MUC13: variants seen among roughly 807,000 people sequenced by gnomAD.
The protein encoded by MUC13 is mucin 13, cell surface associated, also known as mucin-13.
A neutral mutation model predicts 48.3 loss-of-function variants in MUC13; 32 were observed. The observed-to-expected ratio is 0.66, with a 90% CI of 0.50 to 0.89. MUC13 has a LOEUF of 0.89. Ranked by LOEUF, MUC13 falls within the 40% of genes least tolerant of loss-of-function variation. The pLI is 0.00. For synonymous variants in MUC13, 199 were observed against 224.9 expected (o/e 0.88, Z 1.03); for missense variants, 571 against 622.8 (o/e 0.92, Z 0.88).
In MUC13 at chr3:124,911,846, G is replaced by T. The variant is rs143013953; in HGVS notation, c.1252+258C>A. Among the ~76,000 whole-genome samples, 15 of 152,216 alleles carry T rather than the reference G, an allele frequency of 9.9e-5. No individual in the cohort carries two copies. The East Asian group carries it at 2.9e-3, about 29-fold the overall frequency. Reference sequence around the variant, plus strand: ...CATAATGCTAAGATGCCCTTCTCTGGTCTCAAGCAAGTCCAGAGGTGCCAG... The same window carrying T: ...CATAATGCTAAGATGCCCTTCTCTGTTCTCAAGCAAGTCCAGAGGTGCCAG... On this transcript the variant is annotated intron_variant, in intron 9 of 11. Transcript: ENST00000616727.
rs186679327 is a variant in MUC13 at position 124,920,404 on chromosome 3, C to A, written c.745-115G>T. 1.4e-4 allele frequency: 116 copies of A among 815,600 alleles called. No homozygotes were observed. The African/African-American group carries it at 1.9e-3, about 13-fold the overall frequency. The allele number at this position is 815,600 out of a possible 1,614,324, so 50.5% of individuals were successfully genotyped here. On this transcript the variant is annotated intron_variant, in intron 4 of 11. Transcript: ENST00000616727. ...CTATCTAGCTTTTAACAGGATCCAA[C>A]TGGGTAGAAAATGGACCCTGGGAGA... is the stretch of plus-strand genomic sequence containing the variant.
chr3:124,909,172 A>C (rs1935374877), intron 10 of MUC13, among the ~76,000 whole-genome samples: 1 of 152,066 alleles, frequency 6.6e-6, no homozygotes, highest in Admixed American at 6.6e-5. Context: ...AAAGAGAAAA[A>C]ACAAGAACAA....
At chr3:124,928,396 A>G (rs1406423088) in intron 1 of MUC13, among the ~76,000 whole-genome samples, 1 of 152,288 alleles carries the variant, frequency 6.6e-6, no homozygotes, top group Non-Finnish European at 1.5e-5. Context: ...TATTTATTTT[A>G]GGAATAAGGT....
chr3:124,933,325 A>G (rs1474584287), intron 1 of MUC13, among the ~76,000 whole-genome samples: 1 of 152,212 alleles, frequency 6.6e-6, no homozygotes, highest in South Asian at 2.1e-4. Context: ...ACCCCCAAAT[A>G]TAGCTCCATG....
rs1464551200 is a variant in MUC13 at position 124,905,872 on chromosome 3, C to A, written c.*871G>T. 6.6e-6 allele frequency: 1 copy of A among 152,468 alleles called. No homozygotes were observed. Among genetic ancestry groups the A allele is most frequent in the Admixed American group, 6.5e-5 (1 of 15,280 alleles). 9.4% of individuals were successfully genotyped at this position (152,468 alleles called of 1,614,324 possible). On this transcript the variant is annotated 3_prime_UTR_variant, in exon 12 of 12. Coordinates refer to ENST00000616727, the MANE Select transcript of MUC13 (RefSeq NM_033049.4). ...TCGGGAGGGCATGATTAGAGAAGTG[C>A]TCCTTTGCTGATGGAGGAGGGGACC...
chr3:124,916,435 A>C lies in MUC13; in HGVS notation c.846T>G (p.Phe282Leu). The C allele has an allele frequency of 6.2e-7, 1 of 1,613,776 alleles. No homozygotes were observed. The change falls in exon 6 of 12, where the codon TTT becomes TTG. Residue 282 changes from phenylalanine to leucine, a missense_variant. Coordinates refer to ENST00000616727, the MANE Select transcript of MUC13 (RefSeq NM_033049.4). ...PRSEMRADDK[F>L]VNVTIVTILA... ...AAATTGTTACTATTGTTACATTAAC[A>C]AACTTGTCATCAGCACGCATTTCAG...
Position 124,908,348 on chromosome 3 carries a change from T to A in MUC13, c.1338A>T (p.Arg446Ser), listed in dbSNP as rs772689165. The change falls in exon 11 of 12, where the codon AGA (arginine) becomes AGT (serine). Residue 446 changes from arginine (R) to serine (S), a missense_variant and splice_region_variant. Arg to Ser is a moderately radical substitution (Grantham distance 110). Coordinates refer to ENST00000616727, the MANE Select transcript of MUC13 (RefSeq NM_033049.4). ...SMIIALIVTA[R>S]SNNKTKHIEE... ...CAATATGCTTCGTTTTGTTATTTGA[T>A]CTGTAATCAGTAAGAGGAATTAGGA... 1 of 1,613,388 alleles carries A rather than the reference T, an allele frequency of 6.2e-7. No individual in the cohort carries two copies. Among genetic ancestry groups the A allele is most frequent in the Admixed American group, 1.7e-5 (1 of 60,016 alleles).
intron 10 of MUC13, 50 bp from the exon 11 acceptor site, chr3:124,908,398 G>T: frequency 7.3e-7 from 1 of 1,378,418 alleles, no homozygotes; most frequent in Middle Eastern, 1.8e-4. Context: ...AAAGTTTCTT[G>T]AAGTAAATGT....
At chr3:124,919,064 G>A (rs905783634) in intron 5 of MUC13, among the ~76,000 whole-genome samples, 1 of 152,274 alleles carries the variant, frequency 6.6e-6, no homozygotes, top group Non-Finnish European at 1.5e-5. Context: ...TAGGCTGGGA[G>A]TGGTGGCTCA....
At chr3:124,922,893 G>C (rs1209879971) in intron 3 of MUC13, among the ~76,000 whole-genome samples, 1 of 151,990 alleles carries the variant, frequency 6.6e-6, no homozygotes, top group Non-Finnish European at 1.5e-5. Context: ...AGAAAAAGTT[G>C]CAATGAACAT....
chr3:124,920,281 A>T lies in MUC13; in HGVS notation c.753T>A (p.Asp251Glu), dbSNP rs765610212. The change falls in exon 5 of 12, where the codon GAT becomes GAA. Residue 251 changes from aspartate to glutamate, a missense_variant. Asp to Glu is a conservative substitution (Grantham distance 45). Transcript: ENST00000616727. The stretch of plus-strand genomic sequence containing the variant: ...GTCCATAAACAGATGTGCCAAATAC[A>T]TCTTTAAACTGTGGAGGAAAACAGA... ...LHSEITSLFK[D>E]VFGTSVYGQT... 1.9e-6 allele frequency: 3 copies of T among 1,604,052 alleles called. No individual in the cohort carries two copies. The highest frequency in any genetic ancestry group is 1.7e-5 in the Admixed American group (1 of 59,072).
intron 5 of MUC13, among the ~76,000 whole-genome samples, chr3:124,919,699 G>A (rs1369004795): frequency 3.3e-5 from 5 of 152,144 alleles, no homozygotes; most frequent in Non-Finnish European, 5.9e-5. Context: ...CTGCCTCTTT[G>A]TTTCCCTAAA....
In MUC13 at chr3:124,927,682, T is replaced by A. The variant is rs535632767; in HGVS notation, c.364A>T (p.Thr122Ser). The A allele has an allele frequency of 1.9e-6, 3 of 1,614,180 alleles. No individual in the cohort carries two copies. In the East Asian group the frequency reaches 6.7e-5, roughly 36 times the overall value. Residue 122 changes from threonine to serine, a missense_variant, in exon 2 of 12, where the codon ACC becomes TCC. Thr to Ser is a moderately conservative substitution (Grantham distance 58). Coordinates refer to ENST00000616727, the MANE Select transcript of MUC13 (RefSeq NM_033049.4). ...VNSLATSDII[T>S]ASSPNDGLIT... ...AATCCATCATTTGGAGATGAAGCGGTGATTATGTCAGAGGTAGCTAATGAA... is the reference window on the plus strand; with the variant it reads ...AATCCATCATTTGGAGATGAAGCGGAGATTATGTCAGAGGTAGCTAATGAA...
intron 9 of MUC13, 81 bp downstream of exon 9, chr3:124,912,022 TG>T: frequency 6.5e-7 from 1 of 1,539,362 alleles, no homozygotes; most frequent in Admixed American, 1.9e-5. Context: ...TTTGAAGGAC[TG>T]GGCAGGATGT....
intron 1 of MUC13, 119 bp downstream of exon 1, chr3:124,934,542 T>C (rs1421260683): frequency 2.8e-6 from 2 of 715,736 alleles, no homozygotes; most frequent in African/African-American, 3.5e-5. Context: ...GAGAGGAAAC[T>C]TCATTTATAA....
chr3:124,907,128 A>G (rs62267671), intron 11 of MUC13, among the ~76,000 whole-genome samples: 33,647 of 152,194 alleles, frequency 0.22, 3,872 homozygotes, highest in South Asian at 0.27. Flanking sequence ...ATACAGTATC[A>G]CCAGCCTAAC....
At chr3:124,913,309 A>T in intron 7 of MUC13, 69 bp from the exon 8 acceptor site, 1 of 1,568,502 alleles carries the variant, frequency 6.4e-7, no homozygotes, top group Non-Finnish European at 8.7e-7. Context: ...CACATGTGAC[A>T]ACATGACAGT....
At chr3:124,922,133 C>T in intron 4 of MUC13, 64 bp downstream of exon 4, 3 of 1,582,142 alleles carry the variant, frequency 1.9e-6, no homozygotes, top group South Asian at 1.2e-5. Context: ...ACCAGCTCTA[C>T]ACTCTGCAAC....
rs780445502 is a variant in MUC13 at position 124,908,151 on chromosome 3, T to C, written c.1535A>G (p.Tyr512Cys). Residue 512 changes from tyrosine to cysteine, a missense_variant, in exon 11 of 12, where the codon TAT (tyrosine) becomes TGT (cysteine). Coordinates refer to ENST00000616727, the MANE Select transcript of MUC13 (RefSeq NM_033049.4). Reference sequence around the variant, plus strand: ...AGAAAAAGCCCACTGACTCACCTAATAGTCAGGGCGGGGCATGCTGCTGTG... The same window carrying C: ...AGAAAAAGCCCACTGACTCACCTAACAGTCAGGGCGGGGCATGCTGCTGTG... The part of the protein sequence containing the change: ...SRHSSMPRPD[Y>C] 2.5e-6 allele frequency: 4 copies of C among 1,614,086 alleles called. No individual in the cohort carries two copies. The highest frequency in any genetic ancestry group is 3.4e-6 in the Non-Finnish European group (4 of 1,179,974).
Sources: gnomAD v4.1 joint callset for allele counts (sites outside exome capture counted in the v4.1 genomes callset) on GRCh38, gnomAD v4.1.1 for gene constraint, MANE v1.5 for transcripts, NCBI Gene and HGNC (gene_info 2026-07-23, HGNC 2026-07-21) for gene names.